The following APBB1IP variants were observed in gnomAD, a reference collection of about 807,000 sequenced individuals.
APBB1IP encodes amyloid beta precursor protein binding family B member 1 interacting protein.
A neutral mutation model predicts 64.9 loss-of-function variants in APBB1IP; 27 were observed. The observed-to-expected ratio is 0.42, with a 90% CI of 0.31 to 0.57. The LOEUF (loss-of-function observed/expected upper bound fraction) is 0.57. Among genes scored for constraint, APBB1IP ranks in the 20% least tolerant of loss-of-function variants. The probability of loss-of-function intolerance (pLI) is 0.20; values close to 1 mark genes in which losing one functional copy is unlikely to be tolerated. For missense variants in APBB1IP, 812 were observed against 845.5 expected, an observed-to-expected ratio of 0.96 and a Z score of 0.49; for synonymous variants, 392 against 331.0, an observed-to-expected ratio of 1.18 and a Z score of -2.00.
At chr10:26,549,412 T>A (rs1376736469) in intron 11 of APBB1IP, among the ~76,000 whole-genome samples, 1 of 152,180 alleles carries the variant, frequency 6.6e-6, no homozygotes, top group Non-Finnish European at 1.5e-5. Context: ...CTTTATATGT[T>A]TCTAGAACTC....
At chr10:26,543,228 A>C (rs1260825677) in intron 11 of APBB1IP, among the ~76,000 whole-genome samples, 1 of 152,000 alleles carries the variant, frequency 6.6e-6, no homozygotes, top group Non-Finnish European at 1.5e-5. Context: ...ACACTGTGGG[A>C]GGCTGAGGCA....
At chr10:26,489,955 G>A (rs1835935314) in intron 2 of APBB1IP, among the ~76,000 whole-genome samples, 1 of 152,262 alleles carries the variant, frequency 6.6e-6, no homozygotes, top group Middle Eastern at 3.4e-3. Context: ...AACCCAGGAG[G>A]CAGAGTTTGC....
At position 26,511,799 on chromosome 10, in the gene APBB1IP, A is replaced by G. The variant is rs778083511; in HGVS notation, c.584A>G (p.Asp195Gly). The G allele has an allele frequency of 1.2e-6, 2 of 1,614,198 alleles. No individual in the cohort carries two copies. The highest frequency in any genetic ancestry group is 8.5e-7 in the Non-Finnish European group (1 of 1,180,038). ...AACAGCACAAAGTCACTGATGGTGG[A>G]TGAGCGGCAGCTGGCCCGAGATGTT... ...NDNSTKSLMVDERQLARDVLD... is the reference protein window; with the variant it reads ...NDNSTKSLMVGERQLARDVLD... Residue 195 changes from aspartate (D) to glycine (G), a missense_variant, in exon 7 of 15, where the codon GAT (aspartate) becomes GGT (glycine). Coordinates refer to ENST00000376236, the MANE Select transcript of APBB1IP (RefSeq NM_019043.4).
chr10:26,511,914 C>T lies in APBB1IP; in HGVS notation c.691+8C>T, dbSNP rs949259158. 5 of 1,613,874 alleles carry T rather than the reference C, an allele frequency of 3.1e-6. No individual in the cohort carries two copies. The highest frequency in any genetic ancestry group is 3.3e-5 in the Admixed American group (2 of 59,996). On this transcript the variant is annotated splice_region_variant and intron_variant, in intron 7 of 14. Coordinates refer to ENST00000376236, the MANE Select transcript of APBB1IP (RefSeq NM_019043.4). The stretch of plus-strand genomic sequence containing the variant: ...ACCCGGAACTACAAATTGGTAAGTC[C>T]CATCCCCAGCAATGGGCTGTACTCC...
chr10:26,544,105 GAC>G (rs1836731675), intron 11 of APBB1IP, among the ~76,000 whole-genome samples: 1 of 152,208 alleles, frequency 6.6e-6, no homozygotes, highest in African/African-American at 2.4e-5. Flanking sequence ...CGTTCTCTCA[GAC>G]AGTTTCTCAG....
At chr10:26,448,981 G>A (rs948534633) in intron 2 of APBB1IP, among the ~76,000 whole-genome samples, 2 of 152,148 alleles carry the variant, frequency 1.3e-5, no homozygotes, top group East Asian at 3.8e-4. Context: ...TCTCTTTGTG[G>A]CGGTTCTCAG....
At chr10:26,534,514 A>C (rs1486819178) in intron 9 of APBB1IP, among the ~76,000 whole-genome samples, 1 of 152,154 alleles carries the variant, frequency 6.6e-6, no homozygotes, top group Non-Finnish European at 1.5e-5. Context: ...TGCCCTCGGC[A>C]TCCGGTTCCC....
At position 26,567,212 on chromosome 10, in the gene APBB1IP, C is replaced by A; in HGVS notation, c.1725C>A (p.Phe575Leu). The change falls in exon 15 of 15, where the codon TTC becomes TTA. Residue 575 changes from phenylalanine (F) to leucine (L), a missense_variant. Phe to Leu is a conservative substitution (Grantham distance 22). This residue lies in a region of APBB1IP where 381 missense variants were observed against 352.1 expected (regional missense o/e 1.08). Transcript: ENST00000376236. The part of the protein sequence containing the change: ...DPELPPPPPD[F>L]MEPPPDFVPP... ...AGCTCCCGCCGCCGCCCCCGGACTT[C>A]ATGGAGCCGCCCCCAGACTTCGTGC... 1.4e-6 allele frequency: 2 copies of A among 1,380,996 alleles called. No individual in the cohort carries two copies. The highest frequency in any genetic ancestry group is 1.9e-6 in the Non-Finnish European group (2 of 1,069,650). 85.5% of individuals were successfully genotyped at this position (1,380,996 alleles called of 1,614,324 possible).
At chr10:26,556,792 T>TG (rs747509023) in intron 11 of APBB1IP, among the ~76,000 whole-genome samples, 1 of 151,942 alleles carries the variant, frequency 6.6e-6, no homozygotes, top group Non-Finnish European at 1.5e-5. Context: ...AATGTCTGAG[T>TG]GGGGGGTGGG....
At chr10:26,537,567 A>G (rs555866311) in intron 10 of APBB1IP, among the ~76,000 whole-genome samples, 1 of 152,206 alleles carries the variant, frequency 6.6e-6, no homozygotes, top group African/African-American at 2.4e-5. Flanking sequence ...TTTATGTCTT[A>G]GGCATTTGAA....
chr10:26,471,614 G>T (rs934152360), intron 2 of APBB1IP, among the ~76,000 whole-genome samples: 3 of 152,172 alleles, frequency 2.0e-5, no homozygotes, highest in Admixed American at 1.3e-4. Context: ...GACAGTCACA[G>T]AAATGACCGT....
At chr10:26,563,501 A>AT (rs199711873) in intron 14 of APBB1IP, among the ~76,000 whole-genome samples, 2,221 of 152,296 alleles carry the variant, frequency 0.015, 44 homozygotes, top group African/African-American at 0.051. Context: ...TCTCCATAAA[A>AT]TTTTTTCAAC....
intron 8 of APBB1IP, among the ~76,000 whole-genome samples, chr10:26,528,154 A>T (rs1836502203): frequency 6.6e-6 from 1 of 152,198 alleles, no homozygotes; most frequent in Admixed American, 6.5e-5. Flanking sequence ...TGGTCAAAGC[A>T]AGTCACATGG....
chr10:26,562,345 C>T lies in APBB1IP; in HGVS notation c.1389C>T (p.Thr463=), dbSNP rs749067634. ...QPSTGPKTGT[T]QPNGQIPQAT... ...TCTCAGGACCTAAAACAGGCACCAC[C>T]CAGCCCAATGGACAGATTCCCCAGG... Residue 463 remains threonine, a synonymous_variant, in exon 14 of 15, where the codon ACC becomes ACT. Transcript: ENST00000376236. The T allele has an allele frequency of 5.0e-6, 8 of 1,613,830 alleles. No individual in the cohort carries two copies. In the South Asian group the frequency reaches 8.8e-5, roughly 18 times the overall value.
chr10:26,473,831 A>G (rs1835746411), intron 2 of APBB1IP, among the ~76,000 whole-genome samples: 1 of 152,038 alleles, frequency 6.6e-6, no homozygotes, highest in Admixed American at 6.6e-5. Flanking sequence ...GTGAAACCCC[A>G]TCTCTACTAA....
At chr10:26,548,234 C>T (rs963788825) in intron 11 of APBB1IP, among the ~76,000 whole-genome samples, 14 of 151,970 alleles carry the variant, frequency 9.2e-5, no homozygotes, top group East Asian at 7.7e-4. Flanking sequence ...ATGTGCACAA[C>T]GTGCAGGTTA....
intron 2 of APBB1IP, among the ~76,000 whole-genome samples, chr10:26,472,104 G>A (rs887372809): frequency 6.6e-6 from 1 of 152,142 alleles, no homozygotes; most frequent in Admixed American, 6.6e-5. Flanking sequence ...GGGGCTGCGG[G>A]GGGAAGAAAA....
chr10:26,546,340 C>A (rs1217156759), intron 11 of APBB1IP, among the ~76,000 whole-genome samples: 1 of 152,200 alleles, frequency 6.6e-6, no homozygotes, highest in East Asian at 1.9e-4. Context: ...TTAAGACACA[C>A]ATTGCTAGGC....
chr10:26,482,184 C>A (rs991202992), intron 2 of APBB1IP, among the ~76,000 whole-genome samples: 5 of 152,138 alleles, frequency 3.3e-5, no homozygotes, highest in African/African-American at 1.2e-4. Flanking sequence ...AGATTTTCAC[C>A]GATCTCAGGG....
Sources: allele counts gnomAD v4.1 joint callset (sites outside exome capture counted in the v4.1 genomes callset), GRCh38; gene constraint gnomAD v4.1.1; regional missense constraint gnomAD v4.1.1; transcripts MANE v1.5; gene names NCBI Gene and HGNC (gene_info 2026-07-23, HGNC 2026-07-21).